Variants in SEMA6D observed in about 807,000 individuals in gnomAD.
SEMA6D encodes semaphorin-6D.
Under a neutral mutation model 106.6 loss-of-function variants are expected in SEMA6D, and 35 were observed. The ratio of observed to expected loss-of-function variants is 0.33; its 90% CI spans 0.25 to 0.44. The LOEUF is 0.44. Ranked by LOEUF, SEMA6D falls within the 20% of genes least tolerant of loss-of-function variation. SEMA6D has a pLI of 1.00. For synonymous variants in SEMA6D, 499 were observed against 487.7 expected (o/e 1.02, Z -0.31); for missense variants, 1,185 against 1,345.9 (o/e 0.88, Z 1.87).
At chr15:47,470,865 A>G (rs1217280895) in intron 3 of SEMA6D, among the ~76,000 whole-genome samples, 5 of 152,196 alleles carry the variant, frequency 3.3e-5, no homozygotes, top group Non-Finnish European at 5.9e-5. Context: ...CACCGTTTGA[A>G]TCATAACCTG....
intron 1 of SEMA6D, among the ~76,000 whole-genome samples, chr15:47,190,193 AAG>A (rs775451003): frequency 3.9e-5 from 6 of 152,178 alleles, no homozygotes; most frequent in Non-Finnish European, 7.4e-5. Context: ...AATGACCCCT[AAG>A]AGATTTGGAG....
At chr15:47,712,497 A>G (rs1225004299) in intron 4 of SEMA6D, among the ~76,000 whole-genome samples, 1 of 152,202 alleles carries the variant, frequency 6.6e-6, no homozygotes, top group Non-Finnish European at 1.5e-5. Context: ...GAGAATTAAT[A>G]CTATTGTATC....
intron 1 of SEMA6D, among the ~76,000 whole-genome samples, chr15:47,724,669 TTGTCC>T (rs2146437029): frequency 6.6e-6 from 1 of 152,266 alleles, no homozygotes; most frequent in Admixed American, 6.5e-5. Flanking sequence ...TCTAGATCAG[TTGTCC>T]ATATTTATGC....
chr15:47,694,231 G>A (rs1393555508), intron 4 of SEMA6D, among the ~76,000 whole-genome samples: 1 of 152,076 alleles, frequency 6.6e-6, no homozygotes, highest in Non-Finnish European at 1.5e-5. Flanking sequence ...GCTCACATTT[G>A]AAAAACATTA....
intron 1 of SEMA6D, among the ~76,000 whole-genome samples, chr15:47,756,630 GT>G (rs2081757503): frequency 6.6e-6 from 1 of 152,104 alleles, no homozygotes; most frequent in Admixed American, 6.6e-5. Context: ...CAAGATCCAT[GT>G]TTTTTTCCAA....
intron 1 of SEMA6D, among the ~76,000 whole-genome samples, chr15:47,237,747 T>C (rs1332857559): frequency 6.6e-6 from 1 of 152,068 alleles, no homozygotes; most frequent in Middle Eastern, 3.2e-3. Flanking sequence ...GTTTTAATTG[T>C]TTGTTTTATA....
intron 4 of SEMA6D, among the ~76,000 whole-genome samples, chr15:47,684,695 G>A (rs1482364580): frequency 5.3e-5 from 8 of 152,142 alleles, no homozygotes. Context: ...ATAATTTCAA[G>A]TTAAATACTT....
intron 2 of SEMA6D, among the ~76,000 whole-genome samples, chr15:47,421,174 C>G (rs989174403): frequency 4.6e-5 from 7 of 151,980 alleles, no homozygotes; most frequent in African/African-American, 1.7e-4. Flanking sequence ...ATTGACATTC[C>G]AAGACAAGAT....
At chr15:47,539,719 A>C (rs1797231) in intron 3 of SEMA6D, among the ~76,000 whole-genome samples, 63,545 of 152,030 alleles carry the variant, frequency 0.42, 14,222 homozygotes, top group African/African-American at 0.58. Flanking sequence ...ATAAATATAC[A>C]AACAGGAGCA....
At chr15:47,359,033 T>C (rs893900085) in intron 1 of SEMA6D, among the ~76,000 whole-genome samples, 1 of 152,052 alleles carries the variant, frequency 6.6e-6, no homozygotes, top group African/African-American at 2.4e-5. Flanking sequence ...CTATCTTTTA[T>C]GAAGTTGATC....
intron 4 of SEMA6D, among the ~76,000 whole-genome samples, chr15:47,653,706 G>A (rs984849307): frequency 2.0e-5 from 3 of 152,238 alleles, no homozygotes; most frequent in Non-Finnish European, 2.9e-5. Flanking sequence ...CCTTGCCCAT[G>A]CAACAATAAT....
intron 2 of SEMA6D, among the ~76,000 whole-genome samples, chr15:47,448,428 C>A (rs2042091705): frequency 6.6e-6 from 1 of 152,076 alleles, no homozygotes; most frequent in African/African-American, 2.4e-5. Context: ...TGGTTATTGA[C>A]ACCTGATCCA....
intron 4 of SEMA6D, among the ~76,000 whole-genome samples, chr15:47,618,926 A>C (rs1170656931): frequency 1.3e-5 from 2 of 152,176 alleles, no homozygotes; most frequent in African/African-American, 4.8e-5. Context: ...AGATATTATA[A>C]AAGGAGCTGC....
At chr15:47,236,361 C>A (rs2032539235) in intron 1 of SEMA6D, among the ~76,000 whole-genome samples, 2 of 151,926 alleles carry the variant, frequency 1.3e-5, no homozygotes, top group Admixed American at 6.6e-5. Context: ...TCTCTCCACC[C>A]CCATGTTGCC....
intron 4 of SEMA6D, among the ~76,000 whole-genome samples, chr15:47,641,498 G>A (rs895318696): frequency 4.6e-5 from 7 of 152,134 alleles, no homozygotes; most frequent in Admixed American, 2.6e-4. Context: ...GGAAGTACCT[G>A]GAGTGAAGGT....
chr15:47,557,749 G>T (rs1445034633), intron 3 of SEMA6D, among the ~76,000 whole-genome samples: 1 of 152,148 alleles, frequency 6.6e-6, no homozygotes, highest in African/African-American at 2.4e-5. Context: ...AAAGGCCAGT[G>T]AATACATTGA....
intron 1 of SEMA6D, among the ~76,000 whole-genome samples, chr15:47,297,392 T>C (rs537380114): frequency 6.6e-6 from 1 of 152,266 alleles, no homozygotes; most frequent in South Asian, 2.1e-4. Context: ...TTGTCTAGCC[T>C]TTTCATATAA....
At chr15:47,596,128 AG>A (rs2076531932) in intron 3 of SEMA6D, among the ~76,000 whole-genome samples, 1 of 152,126 alleles carries the variant, frequency 6.6e-6, no homozygotes, top group African/African-American at 2.4e-5. Context: ...AAAAAGCAGT[AG>A]TATTTCTATA....
At chr15:47,194,324 T>A (rs911632063) in intron 1 of SEMA6D, among the ~76,000 whole-genome samples, 1 of 152,174 alleles carries the variant, frequency 6.6e-6, no homozygotes, top group Non-Finnish European at 1.5e-5. Context: ...TTAAAAATGC[T>A]TGTCAAAACA....
Sources: gnomAD v4.1 joint callset for allele counts (sites outside exome capture counted in the v4.1 genomes callset) on GRCh38, gnomAD v4.1.1 for gene constraint, MANE v1.5 for transcripts, NCBI Gene and HGNC (gene_info 2026-07-23, HGNC 2026-07-21) for gene names.